Variants in COLEC10 observed in about 807,000 individuals in gnomAD.
COLEC10 encodes the protein collectin-10.
COLEC10 carries 22 observed loss-of-function variants against 28.4 expected under a neutral mutation model. That is an observed-to-expected ratio of 0.78 (90% CI 0.55 to 1.11). The LOEUF (loss-of-function observed/expected upper bound fraction) is 1.11, where lower values mean the gene tolerates loss of function less well. Among genes scored for constraint, COLEC10 ranks in the 50% least tolerant of loss-of-function variants. The pLI is 0.00. For synonymous variants in COLEC10, 125 were observed against 116.1 expected, an observed-to-expected ratio of 1.08 and a Z score of -0.49; for missense variants, 361 against 344.1, an observed-to-expected ratio of 1.05 and a Z score of -0.39.
the COLEC10 span, among the ~76,000 whole-genome samples, chr8:118,955,485 A>G: frequency 1.3e-5 from 2 of 152,234 alleles, no homozygotes; most frequent in African/African-American, 4.8e-5. Flanking sequence ...CTACTCACCT[A>G]TAATGTGATT....
At chr8:118,981,104 GT>G in the COLEC10 span, among the ~76,000 whole-genome samples, 1 of 152,006 alleles carries the variant, frequency 6.6e-6, no homozygotes, top group East Asian at 1.9e-4. Flanking sequence ...AAATCAGGTG[GT>G]TATAACACAA....
At chr8:118,976,136 C>T in the COLEC10 span, among the ~76,000 whole-genome samples, 2,368 of 152,058 alleles carry the variant, frequency 0.016, 63 homozygotes, top group African/African-American at 0.054. Flanking sequence ...CAGGTAGTAT[C>T]CAAATAAATT....
At chr8:118,995,012 T>C (rs1813566191), upstream of COLEC10, among the ~76,000 whole-genome samples, 1 of 152,180 alleles carries the variant, frequency 6.6e-6, no homozygotes, top group Non-Finnish European at 1.5e-5. Context: ...AGTTAAATAA[T>C]GCTGCTTTAT....
rs1815937508 is a variant in COLEC10, at chr8:119,106,124, G to A, written c.767G>A (p.Arg256Lys). 6.2e-7 allele frequency: 1 copy of A among 1,613,706 alleles called. No individual in the cohort carries two copies. Among genetic ancestry groups the A allele is most frequent in the South Asian group, 1.1e-5 (1 of 91,080 alleles). The change falls in exon 6 of 6, where the codon AGA becomes AAA. Residue 256 changes from arginine to lysine, a missense_variant. This residue lies in a region of COLEC10 where 4 missense variants were observed against 18.3 expected (regional missense o/e 0.22). Transcript: ENST00000332843. The part of the protein sequence containing the change: ...EDCVEMLSSG[R>K]WNDTECHLTM... ...TGTGTGGAGATGCTGAGCTCTGGCA[G>A]ATGGAATGACACAGAGTGCCATCTT...
At chr8:119,040,708 C>T (rs796706103) in intron 2 of COLEC10, among the ~76,000 whole-genome samples, 1 of 152,226 alleles carries the variant, frequency 6.6e-6, no homozygotes, top group Non-Finnish European at 1.5e-5. Context: ...CATTTACAGA[C>T]AGATGTGGGC....
intron 1 of COLEC10, among the ~76,000 whole-genome samples, chr8:119,083,815 T>G: frequency 6.6e-6 from 1 of 152,208 alleles, no homozygotes; most frequent in South Asian, 2.1e-4. Context: ...TACGTTAAAA[T>G]GTAAGTATAA....
At chr8:119,010,054 A>G (rs1813877444) in intron 2 of COLEC10, among the ~76,000 whole-genome samples, 1 of 150,800 alleles carries the variant, frequency 6.6e-6, no homozygotes, top group South Asian at 2.1e-4. Context: ...CATGGTTCAT[A>G]CTGAGCATTG....
In COLEC10 at chr8:119,032,630, G is replaced by A. The variant is rs143953987; in HGVS notation, n.235+23077G>A. On this transcript the variant is annotated intron_variant and non_coding_transcript_variant, in intron 2 of 6. Transcript: ENST00000521788. ...TAAACAAAGGCCTTCTGCCCCGCGC[G>A]GTGGCTCATGCCTGTAATCCCAGCA... Among the ~76,000 whole-genome samples the A allele has an allele frequency of 2.7e-4, 41 of 152,304 alleles. No individual in the cohort carries two copies. In the East Asian group the frequency reaches 4.8e-3, roughly 18 times the overall value.
upstream of COLEC10, among the ~76,000 whole-genome samples, chr8:119,066,626 T>C (rs1489445120): frequency 1.3e-5 from 2 of 152,228 alleles, no homozygotes; most frequent in African/African-American, 2.4e-5. Flanking sequence ...TTCCTTGAGA[T>C]AGTGTACCAG....
chr8:119,031,153 A>G (rs1401495372), intron 2 of COLEC10, among the ~76,000 whole-genome samples: 3 of 152,216 alleles, frequency 2.0e-5, no homozygotes, highest in African/African-American at 7.2e-5. Flanking sequence ...GCTTTCTACA[A>G]AGTTCCGTCT....
chr8:118,978,778 C>G, the COLEC10 span, among the ~76,000 whole-genome samples: 1 of 151,896 alleles, frequency 6.6e-6, no homozygotes, highest in Admixed American at 6.6e-5. Context: ...TACCAATTTA[C>G]CCTCCCACCA....
the COLEC10 span, among the ~76,000 whole-genome samples, chr8:118,974,566 C>T: frequency 1.3e-5 from 2 of 151,964 alleles, no homozygotes; most frequent in African/African-American, 4.8e-5. Context: ...CTGGGAACAA[C>T]TGTAAATGGA....
At position 119,011,124 on chromosome 8, in the gene COLEC10, A is replaced by G. The variant is rs146088005; in HGVS notation, n.235+1571A>G. Among the ~76,000 whole-genome samples, 516 of 151,028 alleles carry G rather than the reference A, an allele frequency of 3.4e-3. 39 individuals are homozygous for G. Among genetic ancestry groups the G allele is most frequent in the African/African-American group, 0.012 (479 of 40,486 alleles). ...GAAGTTTTATAGTCTACATTTTACA[A>G]TTAGGTCTGTGATTCATTTTGAGTT... On this transcript the variant is annotated intron_variant and non_coding_transcript_variant, in intron 2 of 6. Transcript: ENST00000521788.
At chr8:119,053,415 C>T (rs1388299900) in intron 2 of COLEC10, among the ~76,000 whole-genome samples, 2 of 152,142 alleles carry the variant, frequency 1.3e-5, no homozygotes, top group Non-Finnish European at 2.9e-5. Flanking sequence ...CATTATTACT[C>T]CTCAAAGCAG....
chr8:118,983,354 A>T, the COLEC10 span, among the ~76,000 whole-genome samples: 1 of 152,076 alleles, frequency 6.6e-6, no homozygotes, highest in African/African-American at 2.4e-5. Context: ...GATAGGGAGG[A>T]GTTACATTTA....
intron 1 of COLEC10, among the ~76,000 whole-genome samples, chr8:119,071,141 C>T (rs558022560): frequency 1.3e-5 from 2 of 152,326 alleles, no homozygotes; most frequent in East Asian, 3.9e-4. Flanking sequence ...AGTCAAAGAA[C>T]ATGACATCAC....
chr8:119,075,729 C>A (rs16891948), intron 1 of COLEC10, among the ~76,000 whole-genome samples: 3 of 151,958 alleles, frequency 2.0e-5, no homozygotes, highest in Non-Finnish European at 4.4e-5. Context: ...CTCTTGCATG[C>A]GATTTGACCA....
chr8:118,987,545 C>T, the COLEC10 span, among the ~76,000 whole-genome samples: 1 of 152,042 alleles, frequency 6.6e-6, no homozygotes, highest in Non-Finnish European at 1.5e-5. Context: ...GCCTGGGAAA[C>T]GGGGTGATAA....
chr8:118,998,978 G>C lies in COLEC10; in HGVS notation n.122+3405G>C, dbSNP rs955211796. ...TTTATTGGATGCCCCCTATTCTCCA[G>C]GCACTGTGCTAAGTACTCTATGTAT... On this transcript the variant is annotated intron_variant and non_coding_transcript_variant, in intron 1 of 6. Coordinates refer to the COLEC10 transcript ENST00000521788. Among the ~76,000 whole-genome samples the C allele has an allele frequency of 3.3e-5, 5 of 151,894 alleles. No individual in the cohort carries two copies. In the East Asian group the frequency reaches 9.7e-4, roughly 29 times the overall value.
Sources: allele counts gnomAD v4.1 joint callset (sites outside exome capture counted in the v4.1 genomes callset), GRCh38; gene constraint gnomAD v4.1.1; regional missense constraint gnomAD v4.1.1; transcripts MANE v1.5; gene names NCBI Gene and HGNC (gene_info 2026-07-23, HGNC 2026-07-21).